SAMD5: variants seen among roughly 807,000 people sequenced by gnomAD.
SAMD5 encodes the protein sterile alpha motif domain containing 5, also known as sterile alpha motif domain-containing protein 5.
A neutral mutation model predicts 11.3 loss-of-function variants in SAMD5; 13 were observed. That is an observed-to-expected ratio of 1.15 (90% CI 0.75 to 1.83). SAMD5 has a LOEUF of 1.83. SAMD5 is among the 40% of genes most tolerant of loss of function. The pLI is 0.00. For synonymous variants in SAMD5, 129 were observed against 111.3 expected, an observed-to-expected ratio of 1.16 and a Z score of -1.00; for missense variants, 255 against 239.1, an observed-to-expected ratio of 1.07 and a Z score of -0.44.
At chr6:147,880,563 C>G in the SAMD5 span, among the ~76,000 whole-genome samples, 1 of 152,306 alleles carries the variant, frequency 6.6e-6, no homozygotes, top group South Asian at 2.1e-4. Flanking sequence ...GAAAGAATTG[C>G]TTTGTGAAAG....
the SAMD5 span, among the ~76,000 whole-genome samples, chr6:147,868,893 G>T: frequency 6.6e-6 from 1 of 152,152 alleles, no homozygotes; most frequent in African/African-American, 2.4e-5. Flanking sequence ...CCTATAAGTT[G>T]TACCAAAGAC....
In SAMD5 at chr6:147,703,002, T is replaced by C. The variant is rs573224399; in HGVS notation, c.163-34315T>C. ...CTTAAAATATATTTTGTCCTTTGAG[T>C]TTTGTATTTCTACTCACCATGTGTT... On this transcript the variant is annotated intron_variant, in intron 1 of 1. Coordinates refer to the SAMD5 transcript ENST00000566741. Among the ~76,000 whole-genome samples the C allele has an allele frequency of 3.3e-5, 5 of 152,252 alleles. No homozygotes were observed. The East Asian group carries it at 9.6e-4, about 29-fold the overall frequency.
the SAMD5 span, among the ~76,000 whole-genome samples, chr6:147,798,860 A>G: frequency 2.0e-5 from 3 of 151,926 alleles, no homozygotes; most frequent in African/African-American, 7.3e-5. Flanking sequence ...GTTGGTTTAA[A>G]GTCTGTTTTA....
At chr6:147,822,951 A>C in the SAMD5 span, among the ~76,000 whole-genome samples, 1 of 151,782 alleles carries the variant, frequency 6.6e-6, no homozygotes, top group Non-Finnish European at 1.5e-5. Context: ...AGAAGCTGGG[A>C]TTACAGGTGC....
intron 1 of SAMD5, among the ~76,000 whole-genome samples, chr6:147,644,731 A>G (rs1228422673): frequency 6.6e-6 from 1 of 152,208 alleles, no homozygotes; most frequent in Non-Finnish European, 1.5e-5. Context: ...ATTGGATTAT[A>G]GTGATTGAAT....
At chr6:147,949,124 A>G in the SAMD5 span, among the ~76,000 whole-genome samples, 17 of 152,348 alleles carry the variant, frequency 1.1e-4, no homozygotes, top group African/African-American at 4.1e-4. Flanking sequence ...CAGGCTGAAT[A>G]GAGAACCACA....
the SAMD5 span, among the ~76,000 whole-genome samples, chr6:147,828,974 C>G: frequency 1.3e-5 from 2 of 152,120 alleles, no homozygotes; most frequent in African/African-American, 2.4e-5. Context: ...AGGGCTTTAC[C>G]CCTTCAATAT....
At chr6:147,914,834 AC>A in the SAMD5 span, among the ~76,000 whole-genome samples, 2 of 152,204 alleles carry the variant, frequency 1.3e-5, no homozygotes, top group African/African-American at 4.8e-5. Context: ...ACATAATGTC[AC>A]CTGTAATATT....
intron 1 of SAMD5, among the ~76,000 whole-genome samples, chr6:147,578,319 T>C (rs1789247836): frequency 6.6e-6 from 1 of 152,164 alleles, no homozygotes; most frequent in Non-Finnish European, 1.5e-5. Context: ...CCTGACTTCA[T>C]AAACAGGAAA....
the SAMD5 span, among the ~76,000 whole-genome samples, chr6:147,782,144 A>G: frequency 6.6e-6 from 1 of 151,992 alleles, no homozygotes; most frequent in Non-Finnish European, 1.5e-5. Context: ...GAAAAAAAAA[A>G]AAAACTAAAA....
At chr6:147,674,683 C>G (rs537529874) in intron 1 of SAMD5, among the ~76,000 whole-genome samples, 1 of 152,302 alleles carries the variant, frequency 6.6e-6, no homozygotes, top group South Asian at 2.1e-4. Context: ...CAAACCCTGA[C>G]AGATGTGCTA....
At chr6:147,889,557 G>C in the SAMD5 span, among the ~76,000 whole-genome samples, 5 of 152,242 alleles carry the variant, frequency 3.3e-5, no homozygotes, top group Admixed American at 2.6e-4. Context: ...TTACCTTATT[G>C]GTTGCTGGAT....
chr6:147,790,779 TCTCTCTC>T, the SAMD5 span, among the ~76,000 whole-genome samples: 25 of 64,682 alleles, frequency 3.9e-4, no homozygotes, highest in Non-Finnish European at 8.4e-4. Context: ...TTTCTCTCTC[TCTCTCTC>T]TCTCTCTCTC....
At position 147,566,424 on chromosome 6, in the gene SAMD5, T is replaced by G. The variant is rs2128444823; in HGVS notation, c.*1968T>G. The G allele has an allele frequency of 1.0e-6, 1 of 985,036 alleles. No individual in the cohort carries two copies. The highest frequency in any genetic ancestry group is 1.1e-4 in the East Asian group (1 of 8,818). 61.0% of individuals were successfully genotyped at this position (985,036 alleles called of 1,614,324 possible). The stretch of plus-strand genomic sequence containing the variant: ...CTTCCTGTTTGACCTCATTTCCAGG[T>G]GTCGCATCCGTGGCTGATTTATTTC... On this transcript the variant is annotated 3_prime_UTR_variant, in exon 2 of 2. Coordinates refer to ENST00000367474, the MANE Select transcript of SAMD5 (RefSeq NM_001030060.3).
At chr6:147,730,905 G>A (rs1457413864) in intron 1 of SAMD5, among the ~76,000 whole-genome samples, 1 of 152,078 alleles carries the variant, frequency 6.6e-6, no homozygotes, top group Non-Finnish European at 1.5e-5. Flanking sequence ...TAATGGAGGT[G>A]GTGTTGGAAG....
At chr6:147,846,585 C>T in the SAMD5 span, among the ~76,000 whole-genome samples, 3 of 152,140 alleles carry the variant, frequency 2.0e-5, no homozygotes, top group Non-Finnish European at 4.4e-5. Flanking sequence ...TTGGAGAGGC[C>T]AAGGCAGGGA....
the SAMD5 span, among the ~76,000 whole-genome samples, chr6:147,912,991 G>A: frequency 7.9e-5 from 12 of 152,158 alleles, no homozygotes; most frequent in African/African-American, 2.4e-4. Context: ...ACAGTAAAGA[G>A]AAATTTTTTT....
At chr6:147,734,657 C>G (rs1354782425) in intron 1 of SAMD5, among the ~76,000 whole-genome samples, 5 of 129,966 alleles carry the variant, frequency 3.8e-5, no homozygotes, top group African/African-American at 5.7e-5. Context: ...AGCTTGCAGT[C>G]AGCCGAGATC....
At chr6:147,716,845 AAG>A (rs1791476088) in intron 1 of SAMD5, among the ~76,000 whole-genome samples, 1 of 152,238 alleles carries the variant, frequency 6.6e-6, no homozygotes, top group African/African-American at 2.4e-5. Flanking sequence ...TTCAAGGAAA[AAG>A]GGGAAATTAT....
Sources: allele counts gnomAD v4.1 joint callset (sites outside exome capture counted in the v4.1 genomes callset), GRCh38; gene constraint gnomAD v4.1.1; transcripts MANE v1.5; gene names NCBI Gene and HGNC (gene_info 2026-07-23, HGNC 2026-07-21).